The following SMOC2 variants were observed in gnomAD, a reference collection of about 807,000 sequenced individuals.
The protein encoded by SMOC2 is SPARC-related modular calcium-binding protein 2.
SMOC2 carries 39 observed loss-of-function variants against 61.4 expected under a neutral mutation model. The observed-to-expected ratio is 0.64, with a 90% CI of 0.49 to 0.83. SMOC2 has a LOEUF of 0.83. Among genes scored for constraint, SMOC2 ranks in the 40% least tolerant of loss-of-function variants. SMOC2 has a pLI of 0.00. For synonymous variants in SMOC2, 247 were observed against 239.9 expected (o/e 1.03, Z -0.27); for missense variants, 556 against 592.9 (o/e 0.94, Z 0.65).
At chr6:168,620,755 A>C (rs563892401) in intron 9 of SMOC2, among the ~76,000 whole-genome samples, 1 of 152,334 alleles carries the variant, frequency 6.6e-6, no homozygotes, top group East Asian at 1.9e-4. Context: ...GGATCAAGAC[A>C]GGGAAAATCC....
intron 9 of SMOC2, among the ~76,000 whole-genome samples, chr6:168,632,572 G>C (rs555924450): frequency 6.6e-6 from 1 of 152,252 alleles, no homozygotes; most frequent in South Asian, 2.1e-4. Flanking sequence ...CATGACTTTG[G>C]CTTCGTTGTA....
chr6:168,530,906 ATC>A (rs1783585595), intron 4 of SMOC2, among the ~76,000 whole-genome samples: 1 of 152,166 alleles, frequency 6.6e-6, no homozygotes, highest in African/African-American at 2.4e-5. Context: ...CTGGAAACAG[ATC>A]TGTGTCCATT....
chr6:168,605,950 C>G (rs1250026744), intron 8 of SMOC2, among the ~76,000 whole-genome samples: 1 of 152,156 alleles, frequency 6.6e-6, no homozygotes, highest in Non-Finnish European at 1.5e-5. Context: ...TTTGGCAGCT[C>G]CCCCTTCATA....
intron 2 of SMOC2, among the ~76,000 whole-genome samples, chr6:168,518,440 TGTGAATG>T (rs1783206030): frequency 2.9e-5 from 1 of 34,712 alleles, no homozygotes. Flanking sequence ...CATGTGTGAC[TGTGAATG>T]TGTGAATGTG....
rs80072654 is a variant in SMOC2 at position 168,645,961 on chromosome 6, G to A, written c.908-4720G>A. On this transcript the variant is annotated intron_variant, in intron 9 of 12. Transcript: ENST00000356284. ...CAATGATGATGGCGTGAATACCTGC[G>A]TGCACACACCACTCCTCAGAAGCAT... Among the ~76,000 whole-genome samples the A allele has an allele frequency of 2.5e-3, 383 of 152,268 alleles. 10 individuals carry two copies. The East Asian group carries it at 0.034, about 14-fold the overall frequency.
intron 7 of SMOC2, among the ~76,000 whole-genome samples, chr6:168,577,702 C>T (rs1053109512): frequency 2.6e-5 from 4 of 152,276 alleles, no homozygotes; most frequent in South Asian, 2.1e-4. Flanking sequence ...ATGAGGGTCA[C>T]GCACTTTCGA....
At chr6:168,656,887 G>T in intron 11 of SMOC2, among the ~76,000 whole-genome samples, 1 of 152,248 alleles carries the variant, frequency 6.6e-6, no homozygotes, top group East Asian at 1.9e-4. Flanking sequence ...GCAGATGGCT[G>T]TACCTATGGC....
rs75856182 is a variant in SMOC2 at position 168,623,236 on chromosome 6, G to T, written c.907+14997G>T. ...CAACATGCAATACTCTAAAAGGACA[G>T]AGCAGGCTGGAGGGCTGCGGGGATT... On this transcript the variant is annotated intron_variant, in intron 9 of 12. Coordinates refer to ENST00000356284, the MANE Select transcript of SMOC2 (RefSeq NM_001166412.2). 5.1e-3 allele frequency among the ~76,000 whole-genome samples: 778 copies of T among 152,206 alleles called. 4 individuals carry two copies. Among genetic ancestry groups the T allele is most frequent in the Non-Finnish European group, 6.7e-3 (454 of 68,012 alleles).
chr6:168,629,430 G>A lies in SMOC2; in HGVS notation c.907+21191G>A, dbSNP rs576697042. Among the ~76,000 whole-genome samples the A allele has an allele frequency of 1.1e-4, 17 of 152,360 alleles. 1 individual carries two copies. The South Asian group carries it at 3.1e-3, about 28-fold the overall frequency. ...GTCAAAGGCTCCAGGTCCCAGGCAG[G>A]GCACCTGTCGCCACAGGACAGGCTG... On this transcript the variant is annotated intron_variant, in intron 9 of 12. Transcript: ENST00000356284.
intron 9 of SMOC2, among the ~76,000 whole-genome samples, chr6:168,622,240 A>G (rs911055546): frequency 3.9e-5 from 6 of 152,124 alleles, no homozygotes; most frequent in African/African-American, 1.4e-4. Flanking sequence ...TGCTGGGATT[A>G]CAGGTGTGAG....
chr6:168,626,248 C>T (rs118178563), intron 9 of SMOC2, among the ~76,000 whole-genome samples: 2,856 of 152,298 alleles, frequency 0.019, 44 homozygotes, highest in Middle Eastern at 0.044. Flanking sequence ...TCCGCGCCCC[C>T]GTTTCTGCTC....
chr6:168,599,833 C>A (rs1785490190), intron 8 of SMOC2, among the ~76,000 whole-genome samples: 1 of 141,282 alleles, frequency 7.1e-6, no homozygotes, highest in African/African-American at 2.6e-5. Flanking sequence ...ACACACGCCC[C>A]CCACACCCAC....
At chr6:168,477,733 TG>T (rs944599185) in intron 1 of SMOC2, among the ~76,000 whole-genome samples, 2 of 152,018 alleles carry the variant, frequency 1.3e-5, no homozygotes, top group Admixed American at 6.6e-5. Context: ...GAACAGGAGG[TG>T]GGGAAAGTAC....
At chr6:168,615,626 C>T in intron 9 of SMOC2, among the ~76,000 whole-genome samples, 1 of 134,086 alleles carries the variant, frequency 7.5e-6, no homozygotes, top group Admixed American at 7.6e-5. Context: ...CACCTACAGC[C>T]AGCACAGGGC....
In SMOC2 at chr6:168,511,376, GAAGGACAAGTGCCAAGC is replaced by G. The variant is rs1308228818; in HGVS notation, c.256+1295_256+1311del. Among the ~76,000 whole-genome samples, 10 of 152,266 alleles carry G rather than the reference GAAGGACAAGTGCCAAGC, an allele frequency of 6.6e-5. No homozygotes were observed. The East Asian group carries it at 1.2e-3, about 18-fold the overall frequency. On this transcript the variant is annotated intron_variant, in intron 2 of 12. Transcript: ENST00000356284. ...CGCATCCTTCTTCACATGATGGCAG[GAAGGACAAGTGCCAAGC>G]AAGGGAAAAAAGCCCACTATAAAAC...
chr6:168,441,632 G>A (rs1781212110), intron 1 of SMOC2, among the ~76,000 whole-genome samples, 178 bp downstream of exon 1: 1 of 152,144 alleles, frequency 6.6e-6, no homozygotes, highest in Non-Finnish European at 1.5e-5. Flanking sequence ...CGCAGCGTGC[G>A]CGCCTGGGAC....
At position 168,523,001 on chromosome 6, in the gene SMOC2, A is replaced by C. The variant is rs147365948; in HGVS notation, c.257-3345A>C. ...AGGTGGCAGTTGCCCAACACTATGA[A>C]TGTGCTACATGCCACTGAATCGTTC... On this transcript the variant is annotated intron_variant, in intron 2 of 12. Coordinates refer to ENST00000356284, the MANE Select transcript of SMOC2 (RefSeq NM_001166412.2). Among the ~76,000 whole-genome samples the C allele has an allele frequency of 2.7e-4, 41 of 151,722 alleles. 1 individual carries two copies. Among genetic ancestry groups the C allele is most frequent in the Non-Finnish European group, 5.3e-4 (36 of 67,944 alleles).
intron 7 of SMOC2, among the ~76,000 whole-genome samples, chr6:168,552,887 C>T (rs926909846): frequency 6.7e-6 from 1 of 150,106 alleles, no homozygotes; most frequent in Non-Finnish European, 1.5e-5. Flanking sequence ...GAGGGTGGCC[C>T]CTCACTGTCC....
rs1783645989 is a variant in SMOC2 at position 168,532,930 on chromosome 6, GT to G, written c.463+5204del. Reference sequence around the variant, plus strand: ...CACAGCTGTGTCTGGCGTAGAAGGAGTCCTTTCCCATTGCATGGGGAAGAAG... The same window carrying G: ...CACAGCTGTGTCTGGCGTAGAAGGAGCCTTTCCCATTGCATGGGGAAGAAG... On this transcript the variant is annotated intron_variant, in intron 4 of 12. Transcript: ENST00000356284. Among the ~76,000 whole-genome samples, 3 of 152,196 alleles carry G rather than the reference GT, an allele frequency of 2.0e-5. No homozygotes were observed. In the East Asian group the frequency reaches 5.8e-4, roughly 29 times the overall value.
Sources: allele counts gnomAD v4.1 joint callset (sites outside exome capture counted in the v4.1 genomes callset), GRCh38; gene constraint gnomAD v4.1.1; transcripts MANE v1.5; gene names NCBI Gene and HGNC (gene_info 2026-07-23, HGNC 2026-07-21).